APP: variants seen among roughly 807,000 people sequenced by gnomAD.
APP encodes amyloid beta precursor protein.
A neutral mutation model predicts 101.4 loss-of-function variants in APP; 31 were observed. The ratio of observed to expected loss-of-function variants is 0.31; its 90% CI spans 0.23 to 0.41. APP has a LOEUF of 0.41. Ranked by LOEUF, APP falls within the 10% of genes least tolerant of loss-of-function variation. APP has a pLI of 1.00. For synonymous variants in APP, 366 were observed against 364.4 expected (o/e 1.00, Z -0.05); for missense variants, 839 against 1,003.7 (o/e 0.84, Z 2.22).
chr21:26,170,537 C>G (rs1409701002), intron 1 of APP, 27 bp downstream of exon 1: 3 of 1,536,646 alleles, frequency 2.0e-6, no homozygotes, highest in Non-Finnish European at 2.6e-6. Context: ...TGCAGCCTCC[C>G]CCCGCCTTCC....
At chr21:26,103,838 C>T (rs1476420218) in intron 2 of APP, among the ~76,000 whole-genome samples, 1 of 152,214 alleles carries the variant, frequency 6.6e-6, no homozygotes, top group Non-Finnish European at 1.5e-5. Flanking sequence ...AAGGCATGAT[C>T]CCTAGAAATG....
chr21:26,065,105 C>T (rs938354300), intron 3 of APP, among the ~76,000 whole-genome samples: 1 of 152,178 alleles, frequency 6.6e-6, no homozygotes, highest in Non-Finnish European at 1.5e-5. Context: ...CCACCTGCCT[C>T]GGCCTCCCAA....
intron 11 of APP, among the ~76,000 whole-genome samples, chr21:25,973,206 A>G (rs1297720944): frequency 6.6e-6 from 1 of 152,102 alleles, no homozygotes; most frequent in Non-Finnish European, 1.5e-5. Context: ...AACAGACTGG[A>G]CAAATAGCAA....
chr21:25,973,559 C>T (rs1194096080), intron 11 of APP, among the ~76,000 whole-genome samples: 1 of 152,108 alleles, frequency 6.6e-6, no homozygotes, highest in Admixed American at 6.5e-5. Context: ...TCAAACTATA[C>T]AAAATAAAAA....
At chr21:26,122,202 G>A (rs2062588418) in intron 1 of APP, among the ~76,000 whole-genome samples, 1 of 152,162 alleles carries the variant, frequency 6.6e-6, no homozygotes, top group Admixed American at 6.5e-5. Context: ...AGGTGGAGAG[G>A]GCAATTCAGG....
intron 9 of APP, among the ~76,000 whole-genome samples, chr21:25,979,363 G>A (rs2042339594): frequency 6.6e-6 from 1 of 152,290 alleles, no homozygotes; most frequent in Admixed American, 6.5e-5. Context: ...CAGGCACAAA[G>A]GTATCAATTT....
chr21:25,976,719 TA>T (rs1422793016), intron 9 of APP, among the ~76,000 whole-genome samples: 2 of 152,252 alleles, frequency 1.3e-5, no homozygotes, highest in African/African-American at 2.4e-5. Context: ...AGCACTAATT[TA>T]GTAACCAACT....
chr21:25,882,422 A>G (rs951649896), intron 17 of APP, among the ~76,000 whole-genome samples: 1 of 149,732 alleles, frequency 6.7e-6, no homozygotes, highest in Non-Finnish European at 1.5e-5. Context: ...GTAATTTTTT[A>G]AAAACTGAGA....
rs980390804 is a variant in APP, at chr21:25,911,744, C to T, written c.1906G>A (p.Glu636Lys). The stretch of plus-strand genomic sequence containing the variant: ...TGCTGGCTCAGGGGACTCTTACCTT[C>T]GTTTTCTGTGTTGGCTGGCACAGAG... Reference protein sequence around the residue: ...ADSVPANTENEVEPVDARPAA... With the variant: ...ADSVPANTENKVEPVDARPAA... The change falls in exon 14 of 18, where the codon GAA becomes AAA. Residue 636 changes from glutamate to lysine, a missense_variant. Glu to Lys is a moderately conservative substitution (Grantham distance 56). Coordinates refer to ENST00000346798, the MANE Select transcript of APP (RefSeq NM_000484.4). 3.1e-6 allele frequency: 5 copies of T among 1,613,956 alleles called. No homozygotes were observed. The highest frequency in any genetic ancestry group is 3.4e-6 in the Non-Finnish European group (4 of 1,180,034).
chr21:26,142,553 G>A (rs2063070010), intron 1 of APP, among the ~76,000 whole-genome samples: 1 of 152,156 alleles, frequency 6.6e-6, no homozygotes, highest in South Asian at 2.1e-4. Flanking sequence ...AGGCTCGCCT[G>A]AGGCCAGGAG....
At chr21:25,900,641 G>C (rs1479401964) in intron 15 of APP, among the ~76,000 whole-genome samples, 1 of 152,078 alleles carries the variant, frequency 6.6e-6, no homozygotes, top group African/African-American at 2.4e-5. Context: ...AAACTTTCTT[G>C]AACAGTTTGA....
chr21:26,054,732 C>T (rs557842607), intron 3 of APP, among the ~76,000 whole-genome samples: 1 of 150,166 alleles, frequency 6.7e-6, no homozygotes, highest in South Asian at 2.1e-4. Flanking sequence ...CACTGTGGTC[C>T]TTCAGGCAAA....
chr21:26,158,475 C>A, intron 1 of APP, among the ~76,000 whole-genome samples: 1 of 152,164 alleles, frequency 6.6e-6, no homozygotes, highest in Admixed American at 6.5e-5. Flanking sequence ...ATGCTCCCAG[C>A]TAATAGAGCA....
chr21:26,099,545 G>A (rs768655599), intron 2 of APP, among the ~76,000 whole-genome samples: 4 of 152,058 alleles, frequency 2.6e-5, no homozygotes, highest in Non-Finnish European at 5.9e-5. Flanking sequence ...TAAACTACTC[G>A]GACTTAGGCA....
intron 11 of APP, among the ~76,000 whole-genome samples, chr21:25,958,223 G>A (rs1032107177): frequency 1.3e-5 from 2 of 152,072 alleles, no homozygotes; most frequent in Admixed American, 6.6e-5. Flanking sequence ...CCAACATCTG[G>A]ATCTCCCCTT....
At chr21:26,136,169 A>AAAGAAAGAAAGAAAGAAAG (rs1555882167) in intron 1 of APP, among the ~76,000 whole-genome samples, 1 of 91,954 alleles carries the variant, frequency 1.1e-5, no homozygotes, top group South Asian at 3.7e-4. Flanking sequence ...GAAAAGAAAG[A>AAAGAAAGAAAGAAAGAAAG]AAAGAAAGAA....
intron 7 of APP, 92 bp downstream of exon 7, chr21:25,999,923 C>T (rs2043215711): frequency 6.9e-7 from 1 of 1,458,592 alleles, no homozygotes; most frequent in African/African-American, 1.4e-5. Flanking sequence ...CAGGCCCATT[C>T]CCAAGAACCA....
chr21:26,057,329 T>C (rs2046081717), intron 3 of APP, among the ~76,000 whole-genome samples: 1 of 152,236 alleles, frequency 6.6e-6, no homozygotes, highest in Non-Finnish European at 1.5e-5. Context: ...TGTTCCTGTT[T>C]ACAGCAAACT....
intron 5 of APP, among the ~76,000 whole-genome samples, chr21:26,041,085 C>A (rs999404161): frequency 6.6e-6 from 1 of 152,176 alleles, no homozygotes; most frequent in African/African-American, 2.4e-5. Context: ...AAATTATTTT[C>A]GTAATAATTG....
Sources: gnomAD v4.1 joint callset for allele counts (sites outside exome capture counted in the v4.1 genomes callset) on GRCh38, gnomAD v4.1.1 for gene constraint, MANE v1.5 for transcripts, NCBI Gene and HGNC (gene_info 2026-07-23, HGNC 2026-07-21) for gene names.